SLX4IP: variants seen among roughly 807,000 people sequenced by gnomAD.
SLX4IP encodes SLX4 interacting protein, also known as protein SLX4IP.
A neutral mutation model predicts 32.9 loss-of-function variants in SLX4IP; 34 were observed. The observed-to-expected ratio is 1.03, with a 90% confidence interval of 0.79 to 1.38. The LOEUF is 1.38. SLX4IP is among the 40% of genes most tolerant of loss of function. SLX4IP has a pLI of 0.00. For synonymous variants in SLX4IP, 172 were observed against 171.7 expected, an observed-to-expected ratio of 1.00 and a Z score of -0.01; for missense variants, 444 against 479.0, an observed-to-expected ratio of 0.93 and a Z score of 0.68.
chr20:10,481,443 G>A lies in SLX4IP; in HGVS notation c.27+23212G>A, dbSNP rs563630074. 1.8e-3 allele frequency among the ~76,000 whole-genome samples: 272 copies of A among 152,158 alleles called. 1 individual carries two copies. The highest frequency in any genetic ancestry group is 3.3e-3 in the Non-Finnish European group (222 of 67,990). On this transcript the variant is annotated intron_variant, in intron 2 of 7. Transcript: ENST00000334534. ...TTCTCCTATTAGATTATTTTTATCT[G>A]CCTTTCATTTTTATTAGCTTTTCTC... is the stretch of plus-strand genomic sequence containing the variant.
At chr20:10,436,415 G>A (rs2065115315) in intron 1 of SLX4IP, among the ~76,000 whole-genome samples, 1 of 151,944 alleles carries the variant, frequency 6.6e-6, no homozygotes, top group African/African-American at 2.4e-5. Context: ...GGAGTGCAGT[G>A]GCGCGATCTT....
chr20:10,517,735 C>A (rs1046919178), intron 2 of SLX4IP, among the ~76,000 whole-genome samples: 2 of 152,096 alleles, frequency 1.3e-5, no homozygotes, highest in African/African-American at 2.4e-5. Flanking sequence ...ATGGGGCCAC[C>A]CTCCCTGGAG....
At chr20:10,525,618 T>C (rs2065934583) in intron 2 of SLX4IP, among the ~76,000 whole-genome samples, 1 of 152,254 alleles carries the variant, frequency 6.6e-6, no homozygotes, top group African/African-American at 2.4e-5. Flanking sequence ...AATGGTTTTC[T>C]TTGTTTCTAT....
At chr20:10,460,606 G>C (rs1467951486) in intron 2 of SLX4IP, among the ~76,000 whole-genome samples, 1 of 152,164 alleles carries the variant, frequency 6.6e-6, no homozygotes, top group Non-Finnish European at 1.5e-5. Flanking sequence ...CTTAAGACTT[G>C]CACAATGAAA....
intron 1 of SLX4IP, among the ~76,000 whole-genome samples, chr20:10,445,933 C>CTTTTT (rs749557514): frequency 3.3e-5 from 2 of 60,694 alleles, no homozygotes; most frequent in Admixed American, 1.6e-4. Context: ...GCTGAGATTG[C>CTTTTT]TTTTTTTTTT....
chr20:10,589,534 G>A (rs2066682355), intron 4 of SLX4IP, among the ~76,000 whole-genome samples: 1 of 152,134 alleles, frequency 6.6e-6, no homozygotes, highest in Non-Finnish European at 1.5e-5. Context: ...CTGATGATAA[G>A]CTAGTGGAAT....
chr20:10,587,194 A>G (rs1458644211), intron 4 of SLX4IP, among the ~76,000 whole-genome samples: 1 of 152,340 alleles, frequency 6.6e-6, no homozygotes, highest in East Asian at 1.9e-4. Flanking sequence ...TCATGATATC[A>G]TACAAAGTTG....
At chr20:10,621,470 A>G (rs562065311) in intron 7 of SLX4IP, 56 bp downstream of exon 7, 3 of 1,489,528 alleles carry the variant, frequency 2.0e-6, no homozygotes, top group Non-Finnish European at 2.8e-6. Flanking sequence ...GTATGGATAG[A>G]TAACATGAAG....
intron 2 of SLX4IP, among the ~76,000 whole-genome samples, chr20:10,502,885 T>G (rs528568188): frequency 6.6e-6 from 1 of 152,312 alleles, no homozygotes; most frequent in African/African-American, 2.4e-5. Flanking sequence ...GTCTGGCACA[T>G]AATAGGTGCT....
chr20:10,535,151 C>A (rs767577501), intron 2 of SLX4IP, among the ~76,000 whole-genome samples: 3 of 152,160 alleles, frequency 2.0e-5, no homozygotes, highest in South Asian at 2.1e-4. Context: ...TTGCAGAAGG[C>A]CAGGCTGGAG....
intron 1 of SLX4IP, among the ~76,000 whole-genome samples, chr20:10,453,871 T>C (rs13038791): frequency 0.47 from 71,922 of 151,970 alleles, 18,944 homozygotes; most frequent in Non-Finnish European, 0.6. Flanking sequence ...TATTGTCTCT[T>C]TTCATTTTTT....
chr20:10,561,573 G>T (rs1184605889), intron 4 of SLX4IP, among the ~76,000 whole-genome samples: 3 of 142,604 alleles, frequency 2.1e-5, no homozygotes, highest in Non-Finnish European at 4.5e-5. Context: ...ATAGTAGTAA[G>T]TTCTTAAGTG....
chr20:10,446,522 G>C (rs2065204084), intron 1 of SLX4IP, among the ~76,000 whole-genome samples: 1 of 151,796 alleles, frequency 6.6e-6, no homozygotes, highest in South Asian at 2.1e-4. Context: ...TTTTTGGGTT[G>C]TTTAGATTGA....
In SLX4IP at chr20:10,556,471, A is replaced by G. The variant is rs2066268400; in HGVS notation, c.117+151A>G. 2.3e-5 allele frequency: 17 copies of G among 742,830 alleles called. 1 individual carries two copies. In the South Asian group the frequency reaches 2.8e-4, roughly 12 times the overall value. The allele number at this position is 742,830 out of a possible 1,614,324, so 46.0% of individuals were successfully genotyped here. A position where few individuals can be genotyped will look rare whatever the true frequency, so the allele number is the denominator to read the frequency against. On this transcript the variant is annotated intron_variant, in intron 3 of 7. Coordinates refer to ENST00000334534, the MANE Select transcript of SLX4IP (RefSeq NM_001009608.3). ...ATTGTATTCCCAATGACAGACACAT[A>G]TGCACCCACTTTTTTTTTCCTTCAG...
In SLX4IP at chr20:10,542,730, T is replaced by C. The variant is rs372421083; in HGVS notation, c.28-13501T>C. Among the ~76,000 whole-genome samples the C allele has an allele frequency of 9.1e-4, 139 of 152,330 alleles. 1 individual carries two copies. Among genetic ancestry groups the C allele is most frequent in the African/African-American group, 3.2e-3 (135 of 41,586 alleles). On this transcript the variant is annotated intron_variant, in intron 2 of 7. Coordinates refer to ENST00000334534, the MANE Select transcript of SLX4IP (RefSeq NM_001009608.3). ...ATGCCTCCACTTGGGCTGTTAGTTT[T>C]TTGGAGCCAAATGTTATATGACCCT...
chr20:10,495,201 C>G (rs2065656526), intron 2 of SLX4IP, among the ~76,000 whole-genome samples: 1 of 152,106 alleles, frequency 6.6e-6, no homozygotes. Context: ...ATATAGTACT[C>G]TCAACATTAT....
chr20:10,555,219 C>T (rs1049925837), intron 2 of SLX4IP, among the ~76,000 whole-genome samples: 21 of 151,834 alleles, frequency 1.4e-4, no homozygotes, highest in Admixed American at 5.2e-4. Context: ...ACAAAACTGT[C>T]CAGCCAAGGA....
chr20:10,494,526 CTT>C lies in SLX4IP; in HGVS notation c.27+36298_27+36299del, dbSNP rs539744073. ...ACATAGAATTGAGTTATAGTTTTCTCTTTTAATTAAATAAAACTCTGTATTTA... is the reference window on the plus strand; with the variant it reads ...ACATAGAATTGAGTTATAGTTTTCTCTTAATTAAATAAAACTCTGTATTTA... On this transcript the variant is annotated intron_variant, in intron 2 of 7. Transcript: ENST00000334534. Among the ~76,000 whole-genome samples, 986 of 151,928 alleles carry C rather than the reference CTT, an allele frequency of 6.5e-3. 13 individuals are homozygous for C. The highest frequency in any genetic ancestry group is 0.022 in the African/African-American group (929 of 41,504).
At chr20:10,588,570 C>G (rs1481088291) in intron 4 of SLX4IP, among the ~76,000 whole-genome samples, 2 of 152,122 alleles carry the variant, frequency 1.3e-5, no homozygotes. Flanking sequence ...GAACATTACT[C>G]AGCCATAAAA....
Sources: allele counts gnomAD v4.1 joint callset (sites outside exome capture counted in the v4.1 genomes callset), GRCh38; gene constraint gnomAD v4.1.1; transcripts MANE v1.5; gene names NCBI Gene and HGNC (gene_info 2026-07-23, HGNC 2026-07-21).